Variants in PLEKHA5 observed in about 807,000 individuals in gnomAD.
PLEKHA5 encodes the protein pleckstrin homology domain containing A5, also known as pleckstrin homology domain-containing family A member 5.
In PLEKHA5, 55 loss-of-function variants were observed where a neutral mutation model predicts 181.9. That is an observed-to-expected ratio of 0.30 (90% CI 0.24 to 0.38). The LOEUF (loss-of-function observed/expected upper bound fraction) is 0.38, where lower values mean the gene tolerates loss of function less well. Among genes scored for constraint, PLEKHA5 ranks in the 10% least tolerant of loss-of-function variants. PLEKHA5 has a pLI of 1.00. For synonymous variants in PLEKHA5, 535 were observed against 529.4 expected, an observed-to-expected ratio of 1.01 and a Z score of -0.15; for missense variants, 1,432 against 1,549.5, an observed-to-expected ratio of 0.92 and a Z score of 1.27.
chr12:19,306,509 T>C (rs1488826652), intron 15 of PLEKHA5: 1 of 722,908 alleles, frequency 1.4e-6, no homozygotes, highest in East Asian at 2.9e-5. Context: ...GTGTTTGATG[T>C]GTTGAAGCAG....
In PLEKHA5 at chr12:19,345,122, G is replaced by A. The variant is rs137878911; in HGVS notation, c.2663-720G>A. On this transcript the variant is annotated intron_variant, in intron 22 of 31. Coordinates refer to ENST00000429027, the MANE Select transcript of PLEKHA5 (RefSeq NM_001256470.2). ...AACAATAAAGAAATAAAAATAAGCC[G>A]GGCGCAGTGGCTCATGCCTGTAATC... is the stretch of plus-strand genomic sequence containing the variant. Among the ~76,000 whole-genome samples the A allele has an allele frequency of 5.8e-3, 854 of 147,914 alleles. 5 individuals carry two copies. The highest frequency in any genetic ancestry group is 0.017 in the African/African-American group (692 of 39,978).
At chr12:19,169,919 G>A (rs564383572) in intron 3 of PLEKHA5, among the ~76,000 whole-genome samples, 5 of 152,032 alleles carry the variant, frequency 3.3e-5, no homozygotes, top group Non-Finnish European at 7.4e-5. Flanking sequence ...TCTGATTCCC[G>A]ACTCAATGGT....
At chr12:19,185,820 A>G (rs117968197) in intron 3 of PLEKHA5, among the ~76,000 whole-genome samples, 2,187 of 152,332 alleles carry the variant, frequency 0.014, 23 homozygotes, top group Non-Finnish European at 0.024. Context: ...TGTTCCAAGG[A>G]TAGCCATTAA....
At chr12:19,359,629 G>A (rs11044515) in intron 28 of PLEKHA5, 83 bp downstream of exon 28, 1,166,714 of 1,349,196 alleles carry the variant, frequency 0.86, 517,072 homozygotes, top group Non-Finnish European at 0.93. Flanking sequence ...AAAATAAAGT[G>A]TGTTTCTTTC....
chr12:19,298,449 A>T (rs1385786056), intron 15 of PLEKHA5, among the ~76,000 whole-genome samples: 7 of 132,070 alleles, frequency 5.3e-5, no homozygotes, highest in Non-Finnish European at 1.1e-4. Flanking sequence ...CTCAGTGCTA[A>T]CTGGGGAAGA....
intron 3 of PLEKHA5, among the ~76,000 whole-genome samples, chr12:19,172,750 C>T (rs1591919421): frequency 6.6e-6 from 1 of 152,184 alleles, no homozygotes; most frequent in African/African-American, 2.4e-5. Context: ...TCAGATGATA[C>T]ACCTGAAGCA....
At chr12:19,284,666 C>T (rs1175985544) in intron 12 of PLEKHA5, among the ~76,000 whole-genome samples, 2 of 152,172 alleles carry the variant, frequency 1.3e-5, no homozygotes, top group Admixed American at 6.5e-5. Context: ...ATTCAAAGTG[C>T]TTTGTATCAA....
intron 3 of PLEKHA5, among the ~76,000 whole-genome samples, chr12:19,183,929 G>C (rs1490861154): frequency 1.3e-5 from 2 of 152,030 alleles, no homozygotes; most frequent in African/African-American, 4.8e-5. Context: ...TGGCCAGGCT[G>C]GTCTCGAACT....
intron 3 of PLEKHA5, among the ~76,000 whole-genome samples, chr12:19,215,969 T>C (rs767841061): frequency 6.6e-6 from 1 of 152,202 alleles, no homozygotes; most frequent in Non-Finnish European, 1.5e-5. Context: ...GTGTAAGCAA[T>C]AAAATATAGA....
At chr12:19,165,451 T>A (rs1187458381) in intron 3 of PLEKHA5, among the ~76,000 whole-genome samples, 22 of 151,068 alleles carry the variant, frequency 1.5e-4, no homozygotes, top group Non-Finnish European at 2.8e-4. Flanking sequence ...TTTTTTTTTT[T>A]AATTTATGAA....
At chr12:19,352,027 G>C (rs917179315) in intron 25 of PLEKHA5, among the ~76,000 whole-genome samples, 8 of 140,160 alleles carry the variant, frequency 5.7e-5, no homozygotes, top group Non-Finnish European at 9.0e-5. Flanking sequence ...AGTGAGCCGA[G>C]ATCACGCCAT....
chr12:19,264,347 C>T (rs1375395532), intron 7 of PLEKHA5, among the ~76,000 whole-genome samples: 2 of 152,022 alleles, frequency 1.3e-5, no homozygotes, highest in African/African-American at 2.4e-5. Context: ...TCTGAAGCAA[C>T]TTTAGAAAAG....
chr12:19,192,878 A>G (rs1171645108), intron 3 of PLEKHA5, among the ~76,000 whole-genome samples: 3 of 152,198 alleles, frequency 2.0e-5, no homozygotes, highest in African/African-American at 7.2e-5. Context: ...ATTAGGGGTT[A>G]GTAACTGTGG....
At chr12:19,163,669 CCTAT>C (rs71440393) in intron 3 of PLEKHA5, among the ~76,000 whole-genome samples, 49 of 150,752 alleles carry the variant, frequency 3.3e-4, no homozygotes, top group South Asian at 1.0e-3. Context: ...GTGTGGTCTT[CCTAT>C]CTATCTATCT....
intron 3 of PLEKHA5, among the ~76,000 whole-genome samples, chr12:19,173,274 C>G (rs1033818095): frequency 1.3e-5 from 2 of 151,722 alleles, no homozygotes; most frequent in East Asian, 3.9e-4. Flanking sequence ...CCACCCGCCT[C>G]GGCCTCCCAA....
chr12:19,266,982 C>A (rs554892966), intron 8 of PLEKHA5, among the ~76,000 whole-genome samples: 2 of 152,140 alleles, frequency 1.3e-5, no homozygotes, highest in African/African-American at 2.4e-5. Flanking sequence ...GTTATTAAAT[C>A]CAAGCAGACC....
intron 3 of PLEKHA5, among the ~76,000 whole-genome samples, chr12:19,171,323 G>A (rs1419761751): frequency 3.9e-5 from 6 of 152,070 alleles, no homozygotes; most frequent in Non-Finnish European, 8.8e-5. Context: ...CTGCCTCTGG[G>A]AAGATTTTAA....
At chr12:19,207,703 G>A (rs186084589) in intron 3 of PLEKHA5, 1 of 152,110 alleles carries the variant, frequency 6.6e-6, no homozygotes, top group African/African-American at 2.4e-5. Context: ...TCTGGCATAT[G>A]GTTTACTTTT....
chr12:19,346,926 G>T (rs2094361752), intron 23 of PLEKHA5, 68 bp from the exon 24 acceptor site: 1 of 998,002 alleles, frequency 1.0e-6, no homozygotes, highest in Non-Finnish European at 1.4e-6. Context: ...ATATACCATT[G>T]CAAAGAATTT....
Sources: allele counts gnomAD v4.1 joint callset (sites outside exome capture counted in the v4.1 genomes callset), GRCh38; gene constraint gnomAD v4.1.1; transcripts MANE v1.5; gene names NCBI Gene and HGNC (gene_info 2026-07-23, HGNC 2026-07-21).